The following LGALS9 variants were observed in gnomAD, a reference collection of about 807,000 sequenced individuals.
LGALS9 encodes galectin 9.
Under a neutral mutation model 35.9 loss-of-function variants are expected in LGALS9, and 26 were observed. The ratio of observed to expected loss-of-function variants is 0.72; its 90% CI spans 0.53 to 1.01. The LOEUF (loss-of-function observed/expected upper bound fraction) is 1.01. Among genes scored for constraint, LGALS9 ranks in the 50% least tolerant of loss-of-function variants. LGALS9 has a pLI of 0.00. For missense variants in LGALS9, 347 were observed against 445.8 expected (o/e 0.78, Z 1.99); for synonymous variants, 149 against 172.2 (o/e 0.87, Z 1.06).
chr17:27,637,474 C>G (rs921348304), intron 1 of LGALS9, among the ~76,000 whole-genome samples: 8 of 152,194 alleles, frequency 5.3e-5, no homozygotes, highest in African/African-American at 9.7e-5. Context: ...TCACCATGGC[C>G]CATCACTCCT....
intron 1 of LGALS9, among the ~76,000 whole-genome samples, chr17:27,635,628 G>A (rs2074441280): frequency 6.6e-6 from 1 of 151,918 alleles, no homozygotes; most frequent in South Asian, 2.1e-4. Context: ...CTCCCTCCTG[G>A]CTTCCTTAAT....
intron 2 of LGALS9, 53 bp from the exon 3 acceptor site, chr17:27,640,519 G>A: frequency 6.2e-7 from 1 of 1,611,522 alleles, no homozygotes; most frequent in South Asian, 1.1e-5. Context: ...TCCTGTGCCT[G>A]TCACTGGCAA....
intron 1 of LGALS9, among the ~76,000 whole-genome samples, chr17:27,635,926 C>T (rs1218093278): frequency 6.6e-6 from 1 of 152,184 alleles, no homozygotes; most frequent in Non-Finnish European, 1.5e-5. Context: ...CCCTACACTG[C>T]TGGTGTAGAC....
chr17:27,639,290 C>T (rs2074489578), intron 2 of LGALS9, among the ~76,000 whole-genome samples: 1 of 152,158 alleles, frequency 6.6e-6, no homozygotes, highest in African/African-American at 2.4e-5. Context: ...AACCCTCCAA[C>T]CAGGGGAATC....
At chr17:27,647,670 GGTC>G (rs777051143) in intron 10 of LGALS9, among the ~76,000 whole-genome samples, 2 of 152,158 alleles carry the variant, frequency 1.3e-5, no homozygotes, top group Non-Finnish European at 2.9e-5. Flanking sequence ...ACTTGCTTGT[GGTC>G]ACACAGTCAG....
chr17:27,648,780 G>A (rs112344622), intron 10 of LGALS9, 56 bp from the exon 11 acceptor site: 57 of 1,610,780 alleles, frequency 3.5e-5, no homozygotes, highest in African/African-American at 2.5e-4. Context: ...AGAGGAGGCT[G>A]CAGTGAGGGT....
rs564487954 is a variant in LGALS9, at chr17:27,637,261, T to C, written c.40-1002T>C. Among the ~76,000 whole-genome samples the C allele has an allele frequency of 1.5e-3, 230 of 152,282 alleles. 1 individual carries two copies. Among genetic ancestry groups the C allele is most frequent in the African/African-American group, 5.4e-3 (223 of 41,568 alleles). On this transcript the variant is annotated intron_variant, in intron 1 of 10. Coordinates refer to ENST00000395473, the MANE Select transcript of LGALS9 (RefSeq NM_009587.3). The stretch of plus-strand genomic sequence containing the variant: ...GGGTGGGTGACAGTGGTGAAGCATC[T>C]CCTATGTGCCAGTCTCTTTTACCAC...
chr17:27,639,047 G>A (rs1014846790), intron 2 of LGALS9, among the ~76,000 whole-genome samples: 1 of 152,134 alleles, frequency 6.6e-6, no homozygotes, highest in Non-Finnish European at 1.5e-5. Context: ...AACTCTGCGG[G>A]GCCCACAGAA....
intron 8 of LGALS9, among the ~76,000 whole-genome samples, 200 bp downstream of exon 8, chr17:27,646,788 A>G (rs929761954): frequency 1.3e-5 from 2 of 152,212 alleles, no homozygotes; most frequent in East Asian, 3.9e-4. Flanking sequence ...CAATATGAGC[A>G]CATTGCATGT....
chr17:27,642,518 T>A, intron 4 of LGALS9, 170 bp downstream of exon 4: 1 of 1,151,504 alleles, frequency 8.7e-7, no homozygotes, highest in Non-Finnish European at 1.2e-6. Flanking sequence ...TCTGTCACTC[T>A]GCCCCTCCTT....
At position 27,648,855 on chromosome 17, in the gene LGALS9, C is replaced by A. The variant is rs758063108; in HGVS notation, c.941C>A (p.Ala314Asp). Residue 314 changes from alanine (A) to aspartate (D), a missense_variant, in exon 11 of 11, where the codon GCT becomes GAT. By Grantham distance (126) the Ala-to-Asp change is moderately radical. Coordinates refer to ENST00000395473, the MANE Select transcript of LGALS9 (RefSeq NM_009587.3). ...QSFSVWILCEAHCLKVAVDGQ... is the reference protein window; with the variant it reads ...QSFSVWILCEDHCLKVAVDGQ... ...GCACAGGTGTGGATCTTGTGTGAAG[C>A]TCACTGCCTCAAGGTGGCCGTGGAT... 2 of 1,613,652 alleles carry A rather than the reference C, an allele frequency of 1.2e-6. No homozygotes were observed. The highest frequency in any genetic ancestry group is 1.7e-5 in the Admixed American group (1 of 59,984).
At position 27,637,162 on chromosome 17, in the gene LGALS9, G is replaced by A. The variant is rs1406386190; in HGVS notation, c.40-1101G>A. Among the ~76,000 whole-genome samples, 4 of 152,268 alleles carry A rather than the reference G, an allele frequency of 2.6e-5. No individual in the cohort carries two copies. The East Asian group carries it at 7.7e-4, about 29-fold the overall frequency. The stretch of plus-strand genomic sequence containing the variant: ...CGGGTTATAGAACGACATTGGATAT[G>A]AAGCATTTTGGGAATAAACTTTGAA... On this transcript the variant is annotated intron_variant, in intron 1 of 10. Transcript: ENST00000395473.
chr17:27,647,226 T>C (rs1905018986), intron 9 of LGALS9, 44 bp from the exon 10 acceptor site: 3 of 1,613,386 alleles, frequency 1.9e-6, no homozygotes, highest in African/African-American at 1.3e-5. Flanking sequence ...GAAATGGGAC[T>C]CAGAATTCGG....
At chr17:27,632,374 T>G (rs1281354512) in intron 1 of LGALS9, among the ~76,000 whole-genome samples, 1 of 152,178 alleles carries the variant, frequency 6.6e-6, no homozygotes, top group Non-Finnish European at 1.5e-5. Flanking sequence ...TGACACTGAG[T>G]CCAGAATGAG....
intron 1 of LGALS9, among the ~76,000 whole-genome samples, chr17:27,633,494 C>G (rs2074412097): frequency 2.0e-5 from 3 of 152,238 alleles, no homozygotes; most frequent in Admixed American, 2.0e-4. Context: ...GCAGTCTTGG[C>G]CAGCCAGGCT....
intron 1 of LGALS9, among the ~76,000 whole-genome samples, chr17:27,633,885 G>A (rs1598177965): frequency 1.3e-5 from 2 of 152,232 alleles, no homozygotes; most frequent in East Asian, 1.9e-4. Context: ...CTGGGGCACA[G>A]GCAGGTCAAG....
At chr17:27,646,434 C>T in intron 7 of LGALS9, 113 bp from the exon 8 acceptor site, 1 of 1,533,632 alleles carries the variant, frequency 6.5e-7, no homozygotes, top group Admixed American at 1.7e-5. Flanking sequence ...GGGCCAAAGG[C>T]TCACGAGGTC....
intron 3 of LGALS9, among the ~76,000 whole-genome samples, chr17:27,641,791 T>C (rs1466347282): frequency 6.6e-6 from 1 of 151,936 alleles, no homozygotes; most frequent in Non-Finnish European, 1.5e-5. Context: ...CTGGCCAACA[T>C]GGTGAAACCC....
In LGALS9 at chr17:27,631,282, C is replaced by T. The variant is rs761543375; in HGVS notation, c.17C>T (p.Ser6Phe). The T allele has an allele frequency of 6.2e-7, 1 of 1,614,162 alleles. No homozygotes were observed. The highest frequency in any genetic ancestry group is 8.5e-7 in the Non-Finnish European group (1 of 1,180,020). The change falls in exon 1 of 11, where the codon TCC (serine) becomes TTC (phenylalanine). Residue 6 changes from serine to phenylalanine, a missense_variant. By Grantham distance (155) the Ser-to-Phe change is radical. Transcript: ENST00000395473. The part of the protein sequence containing the change: MAFSG[S>F]QAPYLSPAVP... ...GGCGGAGAGATGGCCTTCAGCGGTT[C>T]CCAGGCTCCCTACCTGAGTCCAGTG...
Sources: allele counts gnomAD v4.1 joint callset (sites outside exome capture counted in the v4.1 genomes callset), GRCh38; gene constraint gnomAD v4.1.1; transcripts MANE v1.5; gene names NCBI Gene and HGNC (gene_info 2026-07-23, HGNC 2026-07-21).